Variants in DNAH11 observed in about 807,000 individuals in gnomAD.
The protein encoded by DNAH11 is axonemal beta dynein heavy chain 11.
In DNAH11, 442 loss-of-function variants were observed where a neutral mutation model predicts 526.0. That is an observed-to-expected ratio of 0.84 (90% CI 0.78 to 0.91). The LOEUF (loss-of-function observed/expected upper bound fraction) is 0.91. Among genes scored for constraint, DNAH11 ranks in the 40% least tolerant of loss-of-function variants. DNAH11 has a pLI of 0.00. For synonymous variants in DNAH11, 2,461 were observed against 1,935.9 expected, an observed-to-expected ratio of 1.27 and a Z score of -7.12; for missense variants, 6,989 against 5,448.7, an observed-to-expected ratio of 1.28 and a Z score of -8.90.
At chr7:21,662,950 C>A (rs1236922812) in intron 30 of DNAH11, among the ~76,000 whole-genome samples, 1 of 151,972 alleles carries the variant, frequency 6.6e-6, no homozygotes, top group South Asian at 2.1e-4. Flanking sequence ...TATAGTGTGT[C>A]CATTAATTTC....
intron 2 of DNAH11, among the ~76,000 whole-genome samples, chr7:21,548,892 T>C (rs1165881016): frequency 6.6e-6 from 1 of 152,080 alleles, no homozygotes; most frequent in Non-Finnish European, 1.5e-5. Flanking sequence ...GACTTTTTTT[T>C]TTTTTTGAGA....
intron 79 of DNAH11, among the ~76,000 whole-genome samples, chr7:21,897,816 C>T (rs2128050831): frequency 6.6e-6 from 1 of 152,196 alleles, no homozygotes; most frequent in Admixed American, 6.5e-5. Flanking sequence ...GGGGTTTCAC[C>T]ATGTTGGCCA....
intron 9 of DNAH11, among the ~76,000 whole-genome samples, chr7:21,587,574 C>T (rs919674643): frequency 1.3e-5 from 2 of 152,000 alleles, no homozygotes; most frequent in African/African-American, 2.4e-5. Context: ...GTGGCTGGGT[C>T]GTGTGGATGT....
intron 74 of DNAH11, 109 bp from the exon 75 acceptor site, chr7:21,880,593 C>G (rs1177007523): frequency 8.8e-7 from 1 of 1,134,428 alleles, no homozygotes; most frequent in Admixed American, 2.0e-5. Context: ...AAGACTGCCT[C>G]TGTAGTATCT....
At position 21,880,840 on chromosome 7, in the gene DNAH11, G is replaced by T; in HGVS notation, c.12334G>T (p.Asp4112Tyr). Reference protein sequence around the residue: ...WSRSYPFNPGDLTICASVLYN... With the variant: ...WSRSYPFNPGYLTICASVLYN... ...CCGAAGCTATCCTTTTAATCCTGGAGACCTCACCATTTGTGCCAGTGTCCT... is the reference window on the plus strand; with the variant it reads ...CCGAAGCTATCCTTTTAATCCTGGATACCTCACCATTTGTGCCAGTGTCCT... The change falls in exon 75 of 82, where the codon GAC becomes TAC. Residue 4112 changes from aspartate (D) to tyrosine (Y), a missense_variant. Physicochemically the swap from Asp to Tyr is radical, Grantham distance 160 (BLOSUM62 -3). Transcript: ENST00000409508. 1 of 1,613,812 alleles carries T rather than the reference G, an allele frequency of 6.2e-7. No individual in the cohort carries two copies. Among genetic ancestry groups the T allele is most frequent in the Non-Finnish European group, 8.5e-7 (1 of 1,179,852 alleles).
At chr7:21,698,680 G>C (rs58942253) in intron 36 of DNAH11, among the ~76,000 whole-genome samples, 4 of 152,038 alleles carry the variant, frequency 2.6e-5, no homozygotes, top group Non-Finnish European at 5.9e-5. Flanking sequence ...ATATTCCATG[G>C]TGTATATATA....
intron 35 of DNAH11, among the ~76,000 whole-genome samples, chr7:21,693,019 A>G (rs1282548390): frequency 6.6e-6 from 1 of 152,164 alleles, no homozygotes; most frequent in Non-Finnish European, 1.5e-5. Context: ...AGATACATAC[A>G]TTGCAAATAT....
chr7:21,725,938 C>T lies in DNAH11; in HGVS notation c.7394C>T (p.Ala2465Val), dbSNP rs1262698407. The change falls in exon 45 of 82, where the codon GCT becomes GTT. Residue 2465 changes from alanine (A) to valine (V), a missense_variant. Transcript: ENST00000409508. ...DHKTKKLLPW[A>V]DKIAQFTMDP... ...AAAACTAAGAAATTATTGCCCTGGG[C>T]TGACAAAATTGCCCAGTTTACTATG... 6.4e-7 allele frequency: 1 copy of T among 1,563,446 alleles called. No individual in the cohort carries two copies. Among genetic ancestry groups the T allele is most frequent in the Admixed American group, 1.9e-5 (1 of 52,114 alleles).
At chr7:21,675,354 T>G (rs1161945017) in intron 30 of DNAH11, among the ~76,000 whole-genome samples, 1 of 152,232 alleles carries the variant, frequency 6.6e-6, no homozygotes, top group African/African-American at 2.4e-5. Flanking sequence ...GGCTGCTTCC[T>G]GTGGCATAAC....
chr7:21,866,306 C>T (rs1249427259), intron 70 of DNAH11, among the ~76,000 whole-genome samples, 164 bp from the exon 71 acceptor site: 1 of 140,968 alleles, frequency 7.1e-6, no homozygotes, highest in Non-Finnish European at 1.6e-5. Context: ...TTTGAGCTTA[C>T]CCTCTCAGCA....
At chr7:21,585,347 T>C (rs1311330913) in intron 9 of DNAH11, among the ~76,000 whole-genome samples, 1 of 152,106 alleles carries the variant, frequency 6.6e-6, no homozygotes, top group East Asian at 1.9e-4. Flanking sequence ...AGGAAAAAAT[T>C]ACAAGGCTGT....
chr7:21,795,771 A>C, intron 61 of DNAH11, among the ~76,000 whole-genome samples: 1 of 152,326 alleles, frequency 6.6e-6, no homozygotes, highest in East Asian at 1.9e-4. Context: ...TAATTTGCCA[A>C]GTGCTGCCAA....
At chr7:21,627,781 A>G (rs1264374601) in intron 25 of DNAH11, among the ~76,000 whole-genome samples, 2 of 152,112 alleles carry the variant, frequency 1.3e-5, no homozygotes, top group Non-Finnish European at 2.9e-5. Flanking sequence ...GATTCCATAT[A>G]AATTTTGAAA....
chr7:21,789,808 T>TTTC (rs1788373540), intron 61 of DNAH11, among the ~76,000 whole-genome samples: 11 of 34,126 alleles, frequency 3.2e-4, no homozygotes, highest in East Asian at 1.9e-3. Context: ...TTTCTTTCTT[T>TTTC]TTTCTTTCTT....
chr7:21,848,056 A>G (rs923892393), intron 66 of DNAH11, among the ~76,000 whole-genome samples: 5 of 151,044 alleles, frequency 3.3e-5, no homozygotes, highest in Admixed American at 6.6e-5. Context: ...AGTCCCAGCT[A>G]CTCGGGAGGC....
intron 54 of DNAH11, 99 bp from the exon 55 acceptor site, chr7:21,765,329 A>T: frequency 1.3e-6 from 2 of 1,548,756 alleles, no homozygotes; most frequent in Non-Finnish European, 1.8e-6. Context: ...TTAATGTCAC[A>T]GTTGGCTGCA....
At chr7:21,625,782 A>T (rs1786303074) in intron 25 of DNAH11, among the ~76,000 whole-genome samples, 1 of 152,172 alleles carries the variant, frequency 6.6e-6, no homozygotes, top group African/African-American at 2.4e-5. Flanking sequence ...GCATGTTATT[A>T]ATTTTCATGT....
At chr7:21,660,972 T>C (rs1259880368) in intron 30 of DNAH11, among the ~76,000 whole-genome samples, 2 of 152,144 alleles carry the variant, frequency 1.3e-5, no homozygotes, top group African/African-American at 2.4e-5. Context: ...TTCTTTCTTC[T>C]CCTTTGTTTC....
chr7:21,763,680 G>A (rs929279275), intron 54 of DNAH11, among the ~76,000 whole-genome samples: 1 of 149,034 alleles, frequency 6.7e-6, no homozygotes, highest in Non-Finnish European at 1.5e-5. Context: ...TTGAAACCAG[G>A]ATCTTGAAGA....
Sources: gnomAD v4.1 joint callset for allele counts (sites outside exome capture counted in the v4.1 genomes callset) on GRCh38, gnomAD v4.1.1 for gene constraint, MANE v1.5 for transcripts, NCBI Gene and HGNC (gene_info 2026-07-23, HGNC 2026-07-21) for gene names.